MIS18BP1: variants seen among roughly 807,000 people sequenced by gnomAD.
The protein encoded by MIS18BP1 is mis18-binding protein 1.
MIS18BP1 carries 72 observed loss-of-function variants against 116.1 expected under a neutral mutation model. The ratio of observed to expected loss-of-function variants is 0.62; its 90% CI spans 0.51 to 0.75. MIS18BP1 has a LOEUF of 0.75. Ranked by LOEUF, MIS18BP1 falls within the 30% of genes least tolerant of loss-of-function variation. The pLI, the probability that MIS18BP1 is intolerant of heterozygous loss-of-function variation, is 0.00. For synonymous variants in MIS18BP1, 386 were observed against 427.0 expected, an observed-to-expected ratio of 0.90 and a Z score of 1.18; for missense variants, 1,363 against 1,303.2, an observed-to-expected ratio of 1.05 and a Z score of -0.71.
chr14:45,216,878 T>A, intron 13 of MIS18BP1, 141 bp downstream of exon 13: 2 of 841,506 alleles, frequency 2.4e-6, no homozygotes, highest in Non-Finnish European at 3.6e-6. Flanking sequence ...ATCAGCACAT[T>A]GTTTGCCATA....
chr14:45,207,351 ACCT>A (rs1468129089), intron 14 of MIS18BP1, among the ~76,000 whole-genome samples: 4 of 152,152 alleles, frequency 2.6e-5, no homozygotes, highest in African/African-American at 9.7e-5. Flanking sequence ...CAATGAATAA[ACCT>A]CGTCAGTTTT....
chr14:45,231,012 T>C (rs1594516527), intron 8 of MIS18BP1, 129 bp downstream of exon 8: 1 of 818,088 alleles, frequency 1.2e-6, no homozygotes, highest in South Asian at 3.3e-5. Context: ...AGCAGGAATG[T>C]GGGGGCAGTA....
At chr14:45,248,022 T>C in intron 1 of MIS18BP1, among the ~76,000 whole-genome samples, 1 of 151,636 alleles carries the variant, frequency 6.6e-6, no homozygotes, top group Non-Finnish European at 1.5e-5. Context: ...AATACTGTAC[T>C]TGAGTTTACG....
chr14:45,231,507 A>G (rs1207948560), intron 7 of MIS18BP1: 3 of 430,886 alleles, frequency 7.0e-6, no homozygotes, highest in Admixed American at 8.0e-5. Flanking sequence ...AGAGGACTCA[A>G]ATATGATCTC....
At chr14:45,245,084 C>G (rs1181558359) in intron 2 of MIS18BP1, among the ~76,000 whole-genome samples, 1 of 152,204 alleles carries the variant, frequency 6.6e-6, no homozygotes, top group African/African-American at 2.4e-5. Context: ...TGTCTATGTT[C>G]ACTATTGCCA....
chr14:45,241,782 T>C, intron 4 of MIS18BP1: 1 of 357,718 alleles, frequency 2.8e-6, no homozygotes, highest in Non-Finnish European at 5.1e-6. Context: ...TATTGAAGAC[T>C]ACACAACTAG....
rs1466738879 is a variant in MIS18BP1, at chr14:45,209,374, T to C, written c.3152+1006A>G. On this transcript the variant is annotated intron_variant, in intron 14 of 16. Coordinates refer to ENST00000310806, the MANE Select transcript of MIS18BP1 (RefSeq NM_018353.5). Reference sequence around the variant, plus strand: ...CAGGATCTCACTCTGTTGCCCAGGATGGAGTGCAATTGTTGCAATCACAGC... The same window carrying C: ...CAGGATCTCACTCTGTTGCCCAGGACGGAGTGCAATTGTTGCAATCACAGC... 7.9e-5 allele frequency among the ~76,000 whole-genome samples: 12 copies of C among 152,226 alleles called. No individual in the cohort carries two copies. The East Asian group carries it at 2.1e-3, about 27-fold the overall frequency.
Position 45,218,472 on chromosome 14 carries a change from C to A in MIS18BP1, c.2670-18G>T. Reference sequence around the variant, plus strand: ...CAAAAGCACTATGGAAGATCAAAACCAATTAAAGAATAAGAAATTCAAACC... The same window carrying A: ...CAAAAGCACTATGGAAGATCAAAACAAATTAAAGAATAAGAAATTCAAACC... On this transcript the variant is annotated intron_variant, in intron 11 of 16. Transcript: ENST00000310806. The A allele has an allele frequency of 6.3e-7, 1 of 1,574,842 alleles. No individual in the cohort carries two copies. The highest frequency in any genetic ancestry group is 1.2e-5 in the South Asian group (1 of 84,592).
intron 13 of MIS18BP1, among the ~76,000 whole-genome samples, chr14:45,213,155 C>T (rs1267623270): frequency 6.6e-6 from 1 of 152,190 alleles, no homozygotes; most frequent in Non-Finnish European, 1.5e-5. Flanking sequence ...CCTCCTACCT[C>T]GGCCTCCCAA....
chr14:45,210,331 T>G, intron 14 of MIS18BP1, 49 bp downstream of exon 14: 1 of 1,573,664 alleles, frequency 6.4e-7, no homozygotes, highest in African/African-American at 1.4e-5. Flanking sequence ...TAAATGTTCC[T>G]CACTACTCTG....
At chr14:45,214,875 C>G (rs1323041599) in intron 13 of MIS18BP1, among the ~76,000 whole-genome samples, 1 of 152,168 alleles carries the variant, frequency 6.6e-6, no homozygotes, top group Non-Finnish European at 1.5e-5. Flanking sequence ...CCTCAGCATC[C>G]CCAGTAGCTG....
At chr14:45,232,934 G>A (rs1891329725) in intron 6 of MIS18BP1, 114 bp from the exon 7 acceptor site, 3 of 599,158 alleles carry the variant, frequency 5.0e-6, no homozygotes, top group Non-Finnish European at 9.0e-6. Context: ...ATATGTGCCA[G>A]GTACTATTAT....
In MIS18BP1 at chr14:45,235,962, T is replaced by C; in HGVS notation, c.1218-18A>G. 2 of 1,584,000 alleles carry C rather than the reference T, an allele frequency of 1.3e-6. No homozygotes were observed. Among genetic ancestry groups the C allele is most frequent in the South Asian group, 2.3e-5 (2 of 86,546 alleles). On this transcript the variant is annotated intron_variant, in intron 5 of 16. Transcript: ENST00000310806. ...TGACGTCTCTAGGAAAAAAAAATAGTTTTGGTAAGGTCAAAATATTCATAT... is the reference window on the plus strand; with the variant it reads ...TGACGTCTCTAGGAAAAAAAAATAGCTTTGGTAAGGTCAAAATATTCATAT...
chr14:45,212,881 C>T (rs1890713465), intron 13 of MIS18BP1, among the ~76,000 whole-genome samples: 1 of 152,180 alleles, frequency 6.6e-6, no homozygotes, highest in Non-Finnish European at 1.5e-5. Context: ...ATATAAAACC[C>T]CAAGTCACAA....
At chr14:45,214,925 AT>A (rs2139157922) in intron 13 of MIS18BP1, among the ~76,000 whole-genome samples, 1 of 151,990 alleles carries the variant, frequency 6.6e-6, no homozygotes, top group South Asian at 2.1e-4. Flanking sequence ...TAATTTTTGT[AT>A]TTTTAGTAGA....
At position 45,206,085 on chromosome 14, in the gene MIS18BP1, A is replaced by C; in HGVS notation, c.3238T>G (p.Leu1080Val). The C allele has an allele frequency of 6.3e-7, 1 of 1,582,920 alleles. No individual in the cohort carries two copies. The highest frequency in any genetic ancestry group is 2.2e-5 in the East Asian group (1 of 44,620). The part of the protein sequence containing the change: ...GIVWGNIKKK[L>V]VETDFSTPTP... ...ATTGGATAAAGAAAAATACTTACTAATTTTTTCTTGATGTTGCCCCAGACA... is the reference window on the plus strand; with the variant it reads ...ATTGGATAAAGAAAAATACTTACTACTTTTTTCTTGATGTTGCCCCAGACA... Residue 1080 changes from leucine to valine, a missense_variant and splice_region_variant, in exon 15 of 17, where the codon TTA becomes GTA. Leu to Val is a conservative substitution (Grantham distance 32). Transcript: ENST00000310806.
Position 45,224,109 on chromosome 14 carries a change from A to C in MIS18BP1, c.2478T>G (p.Asn826Lys). The C allele has an allele frequency of 6.2e-7, 1 of 1,612,304 alleles. No homozygotes were observed. Among genetic ancestry groups the C allele is most frequent in the Non-Finnish European group, 8.5e-7 (1 of 1,179,656 alleles). The change falls in exon 11 of 17, where the codon AAT becomes AAG. Residue 826 changes from asparagine to lysine, a missense_variant. Transcript: ENST00000310806. Reference sequence around the variant, plus strand: ...CTTTCTTTTGTTTGATATAAAATTCATTTTCACTTTCTTCAGTTTCAGGTT... The same window carrying C: ...CTTTCTTTTGTTTGATATAAAATTCCTTTTCACTTTCTTCAGTTTCAGGTT... The part of the protein sequence containing the change: ...ILEPETEESE[N>K]EFYIKQKKAR...
In MIS18BP1 at chr14:45,242,074, C is replaced by A. The variant is rs1354654685; in HGVS notation, c.1103G>T (p.Arg368Ile). Residue 368 changes from arginine (R) to isoleucine (I), a missense_variant, in exon 4 of 17, where the codon AGA (arginine) becomes ATA (isoleucine). Transcript: ENST00000310806. ...TCCATTTGTAACAGTTTGAAATATT[C>A]TTGGAGGAGAAAGCTTTGAAATATT... The part of the protein sequence containing the change: ...KRNISKLSPP[R>I]IFQTVTNGLK... 3 of 1,612,880 alleles carry A rather than the reference C, an allele frequency of 1.9e-6. No individual in the cohort carries two copies. The highest frequency in any genetic ancestry group is 2.5e-6 in the Non-Finnish European group (3 of 1,179,568).
In MIS18BP1 at chr14:45,204,007, A is replaced by T. The variant is rs1253926813; in HGVS notation, c.*102T>A. The T allele has an allele frequency of 4.8e-6, 7 of 1,463,930 alleles. No homozygotes were observed. In the East Asian group the frequency reaches 1.5e-4, roughly 32 times the overall value. 90.7% of individuals were successfully genotyped at this position (1,463,930 alleles called of 1,614,324 possible). The stretch of plus-strand genomic sequence containing the variant: ...AACCTTCAAAAAAGTCCACATTTTC[A>T]TAGGAAGCTACTTTACAAAGAAAAT... On this transcript the variant is annotated 3_prime_UTR_variant, in exon 17 of 17. Coordinates refer to ENST00000310806, the MANE Select transcript of MIS18BP1 (RefSeq NM_018353.5).
Sources: allele counts gnomAD v4.1 joint callset (sites outside exome capture counted in the v4.1 genomes callset), GRCh38; gene constraint gnomAD v4.1.1; transcripts MANE v1.5; gene names NCBI Gene and HGNC (gene_info 2026-07-23, HGNC 2026-07-21).